Variants in ZNF608 observed in about 807,000 individuals in gnomAD.
The protein encoded by ZNF608 is zinc finger protein 608, also known as renal carcinoma antigen NY-REN-36.
A neutral mutation model predicts 109.0 loss-of-function variants in ZNF608; 12 were observed. The observed-to-expected ratio is 0.11, with a 90% CI of 0.07 to 0.18. ZNF608 has a LOEUF of 0.18. Ranked by LOEUF, ZNF608 falls within the 10% of genes least tolerant of loss-of-function variation. ZNF608 has a pLI of 1.00. For missense variants in ZNF608, 1,707 were observed against 1,879.3 expected (o/e 0.91, Z 1.70); for synonymous variants, 732 against 717.4 (o/e 1.02, Z -0.33).
chr5:124,725,663 T>C (rs886621282), intron 2 of ZNF608, among the ~76,000 whole-genome samples: 5 of 152,130 alleles, frequency 3.3e-5, no homozygotes, highest in African/African-American at 9.7e-5. Context: ...TGCACAGTGA[T>C]AAAATGAAAA....
Position 124,744,770 on chromosome 5 carries a change from C to A in ZNF608, c.220G>T (p.Gly74Cys). The change falls in exon 2 of 10, where the codon GGT becomes TGT. Residue 74 changes from glycine to cysteine, a missense_variant. Gly to Cys is a radical substitution (Grantham distance 159, BLOSUM62 -3). This residue lies in a region of ZNF608 where 407 missense variants were observed against 398.7 expected (regional missense o/e 1.02). Coordinates refer to ENST00000513986, the MANE Select transcript of ZNF608 (RefSeq NM_020747.3). The surrounding 1 kb of genome is among the most constrained non-coding windows in gnomAD (Gnocchi z 4.5). Reference protein sequence around the residue: ...DCGGPASSGAGATAALADGLK... With the variant: ...DCGGPASSGACATAALADGLK... ...CCATCAGCTAAGGCTGCGGTAGCAC[C>A]AGCCCCACTGGAGGCCGGACCTCCA... 1.9e-6 allele frequency: 3 copies of A among 1,614,228 alleles called. No individual in the cohort carries two copies. Among genetic ancestry groups the A allele is most frequent in the Non-Finnish European group, 2.5e-6 (3 of 1,180,048 alleles).
chr5:124,707,637 C>G (rs563216255), intron 2 of ZNF608, among the ~76,000 whole-genome samples: 2 of 152,292 alleles, frequency 1.3e-5, no homozygotes, highest in South Asian at 4.2e-4. Flanking sequence ...ATTTAAAAAG[C>G]ATTAGAAAGA....
At position 124,744,053 on chromosome 5, in the gene ZNF608, T is replaced by C. The variant is rs771789574; in HGVS notation, c.906+31A>G. 4 of 1,553,240 alleles carry C rather than the reference T, an allele frequency of 2.6e-6. No individual in the cohort carries two copies. The highest frequency in any genetic ancestry group is 3.5e-6 in the Non-Finnish European group (4 of 1,149,634). ...CCACACAAATGCACACAGAGGAGAG[T>C]AGGACATCTAGGAAGGCGACTTTAT... On this transcript the variant is annotated intron_variant, in intron 2 of 9. Coordinates refer to ENST00000513986, the MANE Select transcript of ZNF608 (RefSeq NM_020747.3). This position sits in a 1 kb window ranked among gnomAD's most constrained non-coding sequence, Gnocchi z 4.5.
chr5:124,648,660 G>C lies in ZNF608; in HGVS notation c.1724C>G (p.Ala575Gly). 6.2e-7 allele frequency: 1 copy of C among 1,614,216 alleles called. No individual in the cohort carries two copies. The highest frequency in any genetic ancestry group is 8.5e-7 in the Non-Finnish European group (1 of 1,180,040). ...KHINGLRYHQ[A>G]HAHLDPENKL... ...GTTTTCTGGGTCTAAGTGTGCATGA[G>C]CCTGGTGGTACCTCAGGCCGTTAAT... The change falls in exon 5 of 10, where the codon GCT becomes GGT. Residue 575 changes from alanine (A) to glycine (G), a missense_variant. Around this residue, in one of 7 missense-constraint regions of ZNF608, gnomAD observed 22 missense variants for 52.2 expected, o/e 0.42. Transcript: ENST00000513986.
intron 3 of ZNF608, among the ~76,000 whole-genome samples, chr5:124,674,985 T>C (rs890940285): frequency 1.3e-5 from 2 of 152,164 alleles, no homozygotes; most frequent in African/African-American, 2.4e-5. Context: ...ATCAAAAGTA[T>C]TTAAACAACT....
At chr5:124,654,307 C>T (rs201320518) in intron 3 of ZNF608, among the ~76,000 whole-genome samples, 1 of 152,098 alleles carries the variant, frequency 6.6e-6, no homozygotes, top group East Asian at 1.9e-4. Flanking sequence ...CAGTGTGACC[C>T]ACCACACCCA....
chr5:124,638,651 G>C (rs1258922225), intron 9 of ZNF608: 1 of 187,914 alleles, frequency 5.3e-6, no homozygotes, highest in African/African-American at 2.4e-5. Context: ...CAGAGAAAGT[G>C]AATAAACATA....
intron 3 of ZNF608, among the ~76,000 whole-genome samples, chr5:124,667,772 T>C (rs556087167): frequency 9.8e-5 from 15 of 152,322 alleles, no homozygotes; most frequent in African/African-American, 3.6e-4. Flanking sequence ...GGTATCTCTA[T>C]CGTACAACCG....
chr5:124,720,128 T>A (rs918901011), intron 2 of ZNF608, among the ~76,000 whole-genome samples: 50 of 152,184 alleles, frequency 3.3e-4, no homozygotes, highest in Non-Finnish European at 4.6e-4. Flanking sequence ...CCAGGCACTG[T>A]ATAGAGATTA....
intron 3 of ZNF608, among the ~76,000 whole-genome samples, chr5:124,651,124 G>A (rs1750753827): frequency 6.6e-6 from 1 of 152,238 alleles, no homozygotes; most frequent in Non-Finnish European, 1.5e-5. Context: ...GAAAGGCTAG[G>A]ATGGAGCAAA....
chr5:124,730,555 G>C (rs536057836), intron 2 of ZNF608, among the ~76,000 whole-genome samples: 1 of 152,156 alleles, frequency 6.6e-6, no homozygotes. Flanking sequence ...GCAGGCTTAC[G>C]GATGCAAATG....
intron 2 of ZNF608, among the ~76,000 whole-genome samples, chr5:124,716,448 T>A (rs1753708877): frequency 1.3e-5 from 2 of 152,198 alleles, no homozygotes; most frequent in South Asian, 4.1e-4. Flanking sequence ...ATTCCCTGAC[T>A]ATAGTGCTTA....
intron 3 of ZNF608, among the ~76,000 whole-genome samples, chr5:124,675,951 C>G (rs1191292109): frequency 2.6e-5 from 4 of 152,076 alleles, no homozygotes; most frequent in Admixed American, 2.6e-4. Flanking sequence ...TCAAGAAATG[C>G]CTTTCTGGGA....
chr5:124,645,607 C>G (rs1341541699), intron 5 of ZNF608, among the ~76,000 whole-genome samples: 3 of 152,002 alleles, frequency 2.0e-5, no homozygotes, highest in African/African-American at 7.3e-5. Context: ...TGGGAAATAA[C>G]CAGGATTAAT....
intron 3 of ZNF608, among the ~76,000 whole-genome samples, chr5:124,695,082 T>C (rs2149842165): frequency 6.6e-6 from 1 of 152,218 alleles, no homozygotes; most frequent in South Asian, 2.1e-4. Flanking sequence ...TGGGGGCTGA[T>C]TTATCTCCAT....
At chr5:124,738,813 A>G (rs958886831) in intron 2 of ZNF608, among the ~76,000 whole-genome samples, 6 of 152,110 alleles carry the variant, frequency 3.9e-5, no homozygotes, top group Admixed American at 2.6e-4. Context: ...AAGACAAAGA[A>G]GGATCTCAAC....
At chr5:124,644,732 G>A (rs1580525786) in intron 5 of ZNF608, 71 bp from the exon 6 acceptor site, 7 of 1,358,508 alleles carry the variant, frequency 5.2e-6, no homozygotes, top group Middle Eastern at 3.9e-4. Context: ...AAGAAAACTT[G>A]TTAATAATCA....
At chr5:124,727,477 A>T (rs1748661870) in intron 2 of ZNF608, among the ~76,000 whole-genome samples, 1 of 152,130 alleles carries the variant, frequency 6.6e-6, no homozygotes, top group South Asian at 2.1e-4. Context: ...AATATGCAGA[A>T]ATTCTAGAAA....
Position 124,648,597 on chromosome 5 carries a change from G to A in ZNF608, c.1787C>T (p.Ser596Leu), listed in dbSNP as rs775362027. Reference protein sequence around the residue: ...EFEPDSEDKISDCEEGLSNVA... With the variant: ...EFEPDSEDKILDCEEGLSNVA... ...ATTACTCAATCCTTCCTCACAGTCC[G>A]AGATCTTGTCCTCACTGTCAGGCTC... Residue 596 changes from serine to leucine, a missense_variant, in exon 5 of 10, where the codon TCG (serine) becomes TTG (leucine). By Grantham distance (145) the Ser-to-Leu change is moderately radical. Coordinates refer to ENST00000513986, the MANE Select transcript of ZNF608 (RefSeq NM_020747.3). The A allele has an allele frequency of 6.2e-6, 10 of 1,614,212 alleles. No homozygotes were observed. Among genetic ancestry groups the A allele is most frequent in the South Asian group, 3.3e-5 (3 of 91,086 alleles).
Sources: allele counts gnomAD v4.1 joint callset (sites outside exome capture counted in the v4.1 genomes callset), GRCh38; gene constraint gnomAD v4.1.1; regional missense constraint gnomAD v4.1.1; non-coding constraint Gnocchi (gnomAD v3.1); transcripts MANE v1.5; gene names NCBI Gene and HGNC (gene_info 2026-07-23, HGNC 2026-07-21).